ZFAND3: variants seen among roughly 807,000 people sequenced by gnomAD.
ZFAND3 encodes the protein zinc finger AN1-type containing 3, also known as AN1-type zinc finger protein 3.
A neutral mutation model predicts 29.6 loss-of-function variants in ZFAND3; 10 were observed. The ratio of observed to expected loss-of-function variants is 0.34; its 90% CI spans 0.21 to 0.57. The LOEUF (loss-of-function observed/expected upper bound fraction) is 0.57, where lower values mean the gene tolerates loss of function less well. Ranked by LOEUF, ZFAND3 falls within the 20% of genes least tolerant of loss-of-function variation. The pLI, the probability that ZFAND3 is intolerant of heterozygous loss-of-function variation, is 0.86. For synonymous variants in ZFAND3, 128 were observed against 112.6 expected (o/e 1.14, Z -0.87); for missense variants, 230 against 304.5 (o/e 0.76, Z 1.82).
rs533874413 is a variant in ZFAND3 at position 38,152,627 on chromosome 6, A to T, written c.*238A>T. The T allele has an allele frequency of 6.8e-6, 8 of 1,172,444 alleles. No individual in the cohort carries two copies. Among genetic ancestry groups the T allele is most frequent in the Non-Finnish European group, 8.5e-6 (8 of 944,974 alleles). The allele number at this position is 1,172,444 out of a possible 1,614,324, so 72.6% of individuals were successfully genotyped here. ...TGTATAAAATTAAAACATGAAGAAT[A>T]TTTTTTTTTTGAGCATGGCTAGTGG... On this transcript the variant is annotated 3_prime_UTR_variant, in exon 6 of 6. Coordinates refer to ENST00000287218, the MANE Select transcript of ZFAND3 (RefSeq NM_021943.3).
intron 2 of ZFAND3, among the ~76,000 whole-genome samples, chr6:37,964,625 C>T (rs1415000395): frequency 6.6e-6 from 1 of 152,164 alleles, no homozygotes; most frequent in Non-Finnish European, 1.5e-5. Flanking sequence ...TCACTTGAGC[C>T]TAGTTAAGTA....
At chr6:38,108,313 A>G (rs1765247302) in intron 4 of ZFAND3, among the ~76,000 whole-genome samples, 1 of 152,156 alleles carries the variant, frequency 6.6e-6, no homozygotes, top group Non-Finnish European at 1.5e-5. Context: ...TAGGATATAT[A>G]TATTTATAAA....
chr6:37,898,958 C>T (rs932350431), intron 1 of ZFAND3, among the ~76,000 whole-genome samples: 3 of 152,206 alleles, frequency 2.0e-5, no homozygotes, highest in East Asian at 1.9e-4. Context: ...TTTAGTGGCG[C>T]GATCTCGGCT....
intron 1 of ZFAND3, among the ~76,000 whole-genome samples, chr6:37,926,810 G>A (rs1459095062): frequency 1.3e-5 from 2 of 152,176 alleles, no homozygotes; most frequent in Admixed American, 1.3e-4. Context: ...GACCATGCAA[G>A]TTGATTACAC....
chr6:37,949,985 A>G (rs1380980065), intron 2 of ZFAND3, among the ~76,000 whole-genome samples: 1 of 152,192 alleles, frequency 6.6e-6, no homozygotes, highest in Non-Finnish European at 1.5e-5. Flanking sequence ...ACAATCAGAA[A>G]AGGTAGGGGA....
At chr6:37,827,090 G>A (rs2127365851) in intron 1 of ZFAND3, among the ~76,000 whole-genome samples, 1 of 152,132 alleles carries the variant, frequency 6.6e-6, no homozygotes, top group East Asian at 1.9e-4. Flanking sequence ...CTGAACATGA[G>A]GGACTTAGCT....
At chr6:38,100,548 T>C (rs973756807) in intron 4 of ZFAND3, among the ~76,000 whole-genome samples, 2 of 152,212 alleles carry the variant, frequency 1.3e-5, no homozygotes, top group African/African-American at 4.8e-5. Flanking sequence ...CAGGTAAGTT[T>C]TGACTTCACT....
rs77677474 is a variant in ZFAND3, at chr6:37,841,136, T to C, written c.71+21120T>C. On this transcript the variant is annotated intron_variant, in intron 1 of 5. Transcript: ENST00000287218. ...TAGAGATCTTGAGTAAATATTTCAC[T>C]TTAGTTATGAAAGAGGGTAATGAAT... is the stretch of plus-strand genomic sequence containing the variant. Among the ~76,000 whole-genome samples, 775 of 152,296 alleles carry C rather than the reference T, an allele frequency of 5.1e-3. 2 individuals carry two copies. Among genetic ancestry groups the C allele is most frequent in the South Asian group, 0.012 (56 of 4,822 alleles).
In ZFAND3 at chr6:38,088,978, T is replaced by TCTCC. The variant is rs59135749; in HGVS notation, c.361+6532_361+6535dup. Among the ~76,000 whole-genome samples the TCTCC allele has an allele frequency of 2.9e-3, 440 of 151,798 alleles. 5 individuals carry two copies. The highest frequency in any genetic ancestry group is 9.7e-3 in the African/African-American group (400 of 41,140). Reference sequence around the variant, plus strand: ...AATTCAATTTTACTTTATATCCCTCTCTCCCTCCCTCCCTATTTTCGGTCA... The same window carrying TCTCC: ...AATTCAATTTTACTTTATATCCCTCTCTCCCTCCCTCCCTCCCTATTTTCGGTCA... On this transcript the variant is annotated intron_variant, in intron 4 of 5. Coordinates refer to ENST00000287218, the MANE Select transcript of ZFAND3 (RefSeq NM_021943.3).
At chr6:38,109,067 A>G (rs970368168) in intron 4 of ZFAND3, among the ~76,000 whole-genome samples, 1 of 152,130 alleles carries the variant, frequency 6.6e-6, no homozygotes, top group Non-Finnish European at 1.5e-5. Flanking sequence ...GCATCATACC[A>G]GAAGGACTAG....
At chr6:38,116,084 G>T (rs1022123502) in intron 4 of ZFAND3, among the ~76,000 whole-genome samples, 2 of 152,160 alleles carry the variant, frequency 1.3e-5, no homozygotes, top group African/African-American at 4.8e-5. Flanking sequence ...CTCATCAAAC[G>T]CTGGCTTTGG....
At chr6:37,941,728 G>A (rs895158838) in intron 2 of ZFAND3, among the ~76,000 whole-genome samples, 4 of 152,102 alleles carry the variant, frequency 2.6e-5, no homozygotes, top group Non-Finnish European at 5.9e-5. Context: ...GATGAATTTC[G>A]TATTTAGACT....
At chr6:38,140,330 A>C (rs1000772741) in intron 5 of ZFAND3, among the ~76,000 whole-genome samples, 1 of 152,226 alleles carries the variant, frequency 6.6e-6, no homozygotes, top group Non-Finnish European at 1.5e-5. Flanking sequence ...GAATAATGCT[A>C]ATATTTCAAG....
chr6:37,998,627 A>G (rs1387908899), intron 2 of ZFAND3, among the ~76,000 whole-genome samples: 2 of 152,160 alleles, frequency 1.3e-5, no homozygotes, highest in Non-Finnish European at 2.9e-5. Context: ...CCTGCACCTG[A>G]GTATTGTATT....
intron 1 of ZFAND3, among the ~76,000 whole-genome samples, chr6:37,903,621 A>G (rs1423316412): frequency 6.6e-6 from 1 of 152,228 alleles, no homozygotes; most frequent in East Asian, 1.9e-4. Flanking sequence ...CTTGGGTGGG[A>G]GAGATAAAGG....
At chr6:38,103,763 G>A (rs1016899581) in intron 4 of ZFAND3, among the ~76,000 whole-genome samples, 2 of 152,192 alleles carry the variant, frequency 1.3e-5, no homozygotes, top group African/African-American at 4.8e-5. Flanking sequence ...ACTTGGGCAT[G>A]TGGACTTTGA....
At chr6:37,993,755 T>C (rs1413626794) in intron 2 of ZFAND3, among the ~76,000 whole-genome samples, 2 of 152,170 alleles carry the variant, frequency 1.3e-5, no homozygotes, top group Non-Finnish European at 2.9e-5. Context: ...AAAAAAAAGT[T>C]TTCTGAAATA....
chr6:38,016,454 A>G (rs1023697598), intron 2 of ZFAND3, among the ~76,000 whole-genome samples: 6 of 152,232 alleles, frequency 3.9e-5, no homozygotes, highest in Admixed American at 6.5e-5. Flanking sequence ...GCCAGAACTT[A>G]AGAGAACACA....
intron 5 of ZFAND3, among the ~76,000 whole-genome samples, chr6:38,134,346 A>G (rs138808304): frequency 1.3e-5 from 2 of 152,254 alleles, no homozygotes; most frequent in Non-Finnish European, 2.9e-5. Context: ...TTTATTACAC[A>G]TCGGTGAATT....
Sources: gnomAD v4.1 joint callset for allele counts (sites outside exome capture counted in the v4.1 genomes callset) on GRCh38, gnomAD v4.1.1 for gene constraint, MANE v1.5 for transcripts, NCBI Gene and HGNC (gene_info 2026-07-23, HGNC 2026-07-21) for gene names.